CEP57: variants seen among roughly 807,000 people sequenced by gnomAD.
CEP57 encodes the protein centrosomal protein 57, also known as centrosomal protein of 57 kDa.
CEP57 carries 40 observed loss-of-function variants against 68.0 expected under a neutral mutation model. The ratio of observed to expected loss-of-function variants is 0.59; its 90% confidence interval spans 0.46 to 0.77. CEP57 has a LOEUF of 0.77. CEP57 is among the 30% of genes least tolerant of loss of function. CEP57 has a pLI of 0.00. For synonymous variants in CEP57, 219 were observed against 198.7 expected (o/e 1.10, Z -0.86); for missense variants, 606 against 580.7 (o/e 1.04, Z -0.45).
chr11:95,791,290 A>G (rs1428005340), intron 1 of CEP57, among the ~76,000 whole-genome samples: 2 of 152,192 alleles, frequency 1.3e-5, no homozygotes, highest in African/African-American at 4.8e-5. Context: ...CCTGTCACCT[A>G]GAATTACTGG....
chr11:95,800,683 C>A (rs573024847), intron 2 of CEP57, among the ~76,000 whole-genome samples: 1 of 152,172 alleles, frequency 6.6e-6, no homozygotes, highest in African/African-American at 2.4e-5. Flanking sequence ...AGCTACCGCG[C>A]CTGGCCAAGT....
At position 95,790,593 on chromosome 11, in the gene CEP57, G is replaced by T. The variant is rs1332639180; in HGVS notation, c.-106G>T. The T allele has an allele frequency of 4.4e-6, 6 of 1,372,562 alleles. No homozygotes were observed. The highest frequency in any genetic ancestry group is 4.9e-5 in the East Asian group (2 of 40,474). The allele number at this position is 1,372,562 out of a possible 1,614,324, so 85.0% of individuals were successfully genotyped here. ...AGCACCCTTGCCCTTTTCCATCAGG[G>T]GTTCAGCCTAGGGTCCCCGCTGGTG... On this transcript the variant is annotated 5_prime_UTR_variant, in exon 1 of 11. Transcript: ENST00000325542.
intron 2 of CEP57, among the ~76,000 whole-genome samples, chr11:95,810,030 G>T (rs1459688789): frequency 6.6e-6 from 1 of 152,148 alleles, no homozygotes; most frequent in Non-Finnish European, 1.5e-5. Flanking sequence ...TCTCTGGGAT[G>T]CAAGGCTGGT....
chr11:95,822,868 A>T (rs1239673510), intron 8 of CEP57: 5 of 396,334 alleles, frequency 1.3e-5, no homozygotes, highest in Non-Finnish European at 2.4e-5. Context: ...GGAAATAAGA[A>T]ATAGTATGTT....
chr11:95,800,548 C>T (rs867808147), intron 2 of CEP57, among the ~76,000 whole-genome samples: 3 of 151,956 alleles, frequency 2.0e-5, no homozygotes, highest in Non-Finnish European at 4.4e-5. Flanking sequence ...ACTACAGACG[C>T]GCCCAGCTAG....
At chr11:95,827,685 C>G in intron 8 of CEP57, 101 bp from the exon 9 acceptor site, 1 of 1,341,202 alleles carries the variant, frequency 7.5e-7, no homozygotes, top group Non-Finnish European at 1.1e-6. Flanking sequence ...ATATACTCTA[C>G]TTTAGGGGGT....
Position 95,790,669 on chromosome 11 carries a change from A to C in CEP57, c.-30A>C, listed in dbSNP as rs75431250. 2 of 1,612,522 alleles carry C rather than the reference A, an allele frequency of 1.2e-6. No homozygotes were observed. The highest frequency in any genetic ancestry group is 1.7e-6 in the Non-Finnish European group (2 of 1,179,402). On this transcript the variant is annotated 5_prime_UTR_variant, in exon 1 of 11. Coordinates refer to ENST00000325542, the MANE Select transcript of CEP57 (RefSeq NM_014679.5). ...GCACGAGAACCTAGACCGCCCCCGA[A>C]GTGCGGAGACCCCCTGGGCAGGCTG...
chr11:95,790,660 C>T lies in CEP57; in HGVS notation c.-39C>T. Reference sequence around the variant, plus strand: ...TGGAGAAGAGCACGAGAACCTAGACCGCCCCCGAAGTGCGGAGACCCCCTG... The same window carrying T: ...TGGAGAAGAGCACGAGAACCTAGACTGCCCCCGAAGTGCGGAGACCCCCTG... On this transcript the variant is annotated 5_prime_UTR_variant, in exon 1 of 11. Transcript: ENST00000325542. 2 of 1,609,318 alleles carry T rather than the reference C, an allele frequency of 1.2e-6. No homozygotes were observed. Among genetic ancestry groups the T allele is most frequent in the Non-Finnish European group, 8.5e-7 (1 of 1,177,814 alleles).
chr11:95,791,024 C>T (rs1258384239), intron 1 of CEP57, among the ~76,000 whole-genome samples: 8 of 152,190 alleles, frequency 5.3e-5, no homozygotes, highest in African/African-American at 1.7e-4. Flanking sequence ...TCCCAAGGGC[C>T]GGCTGGGATA....
intron 3 of CEP57, 120 bp downstream of exon 3, chr11:95,813,231 T>C (rs1862148393): frequency 8.9e-7 from 1 of 1,124,194 alleles, no homozygotes; most frequent in Non-Finnish European, 1.3e-6. Context: ...CAAAACTGCA[T>C]TGTATTCTGG....
At chr11:95,797,790 T>C (rs545294676) in intron 1 of CEP57, among the ~76,000 whole-genome samples, 87 of 152,300 alleles carry the variant, frequency 5.7e-4, no homozygotes, top group African/African-American at 2.0e-3. Context: ...TTTGGGGAAC[T>C]AGTTTGTTAG....
chr11:95,795,433 G>C, intron 1 of CEP57: 1 of 399,942 alleles, frequency 2.5e-6, no homozygotes, highest in Non-Finnish European at 4.4e-6. Flanking sequence ...AGGATTTTTT[G>C]TTTTGTTCTA....
At chr11:95,815,854 G>T (rs1862275727) in intron 4 of CEP57, among the ~76,000 whole-genome samples, 1 of 152,126 alleles carries the variant, frequency 6.6e-6, no homozygotes. Flanking sequence ...TGATATTGTT[G>T]ATCATTGTGG....
Position 95,799,261 on chromosome 11 carries a change from T to C in CEP57, c.75T>C (p.Asn25=), listed in dbSNP as rs770013483. ...GCTTTGCTGAGCCATCAAGGTCTAA[T>C]GGAAGCATGGTTCGGCATTCTTCAT... ...SNSFAEPSRS[N]GSMVRHSSSP... is the part of the protein sequence containing the mutation. Residue 25 remains asparagine (N), a synonymous_variant, in exon 2 of 11, where the codon AAT becomes AAC. Coordinates refer to ENST00000325542, the MANE Select transcript of CEP57 (RefSeq NM_014679.5). 3 of 1,614,188 alleles carry C rather than the reference T, an allele frequency of 1.9e-6. No homozygotes were observed. The highest frequency in any genetic ancestry group is 1.7e-6 in the Non-Finnish European group (2 of 1,180,012).
intron 9 of CEP57, 48 bp from the exon 10 acceptor site, chr11:95,829,139 A>G (rs1262320693): frequency 1.2e-6 from 2 of 1,606,504 alleles, no homozygotes; most frequent in East Asian, 2.2e-5. Context: ...AGACCTAACC[A>G]TGAAACACAG....
rs746856702 is a variant in CEP57, at chr11:95,827,889, T to C, written c.989T>C (p.Ile330Thr). The C allele has an allele frequency of 1.9e-6, 3 of 1,614,162 alleles. No individual in the cohort carries two copies. The highest frequency in any genetic ancestry group is 2.2e-5 in the South Asian group (2 of 91,080). The change falls in exon 9 of 11, where the codon ATT becomes ACT. Residue 330 changes from isoleucine (I) to threonine (T), a missense_variant. By Grantham distance (89) the Ile-to-Thr change is moderately conservative. Transcript: ENST00000325542. ...ALCNDRVINS[I>T]PLAKQVSSRG... ...TGCAATGATCGAGTCATCAACAGTA[T>C]TCCTTTGGCAAAGCAAGTATCTTCA...
chr11:95,813,689 T>G (rs1862177163), intron 4 of CEP57, 100 bp downstream of exon 4: 1 of 1,431,664 alleles, frequency 7.0e-7, no homozygotes, highest in Non-Finnish European at 9.7e-7. Flanking sequence ...ATGGTGCTGT[T>G]ACAGCCCAGG....
intron 4 of CEP57, among the ~76,000 whole-genome samples, chr11:95,815,913 G>C (rs923157993): frequency 6.6e-6 from 1 of 152,032 alleles, no homozygotes; most frequent in Admixed American, 6.6e-5. Flanking sequence ...TATGTACCCT[G>C]GCTCCAATAT....
upstream of CEP57, chr11:95,790,244 T>C (rs767787911): frequency 1.0e-5 from 2 of 196,032 alleles, no homozygotes; most frequent in Non-Finnish European, 2.2e-5. Flanking sequence ...GCCTTCGCTT[T>C]TGTTTTATCT....
Sources: gnomAD v4.1 joint callset for allele counts (sites outside exome capture counted in the v4.1 genomes callset) on GRCh38, gnomAD v4.1.1 for gene constraint, MANE v1.5 for transcripts, NCBI Gene and HGNC (gene_info 2026-07-23, HGNC 2026-07-21) for gene names.